The following BTBD7 variants were observed in gnomAD, a reference collection of about 807,000 sequenced individuals.
BTBD7 encodes BTB/POZ domain-containing protein 7.
In BTBD7, 38 loss-of-function variants were observed where a neutral mutation model predicts 99.9. That is an observed-to-expected ratio of 0.38 (90% CI 0.29 to 0.50). BTBD7 has a LOEUF of 0.50. Among genes scored for constraint, BTBD7 ranks in the 20% least tolerant of loss-of-function variants. The pLI, the probability that BTBD7 is intolerant of heterozygous loss-of-function variation, is 0.93. For missense variants in BTBD7, 1,170 were observed against 1,394.6 expected (o/e 0.84, Z 2.57); for synonymous variants, 520 against 511.4 (o/e 1.02, Z -0.23).
chr14:93,292,934 T>G (rs1404254053), intron 3 of BTBD7, among the ~76,000 whole-genome samples: 1 of 152,214 alleles, frequency 6.6e-6, no homozygotes, highest in Non-Finnish European at 1.5e-5. Context: ...CTTTCCTTAT[T>G]TAAATTCATG....
rs147748953 is a variant in BTBD7, at chr14:93,277,955, G to A, written c.1163-13962C>T. Among the ~76,000 whole-genome samples the A allele has an allele frequency of 1.0e-3, 154 of 152,136 alleles. 2 individuals carry two copies. In the Middle Eastern group the frequency reaches 0.01, roughly 10 times the overall value. On this transcript the variant is annotated intron_variant, in intron 3 of 10. Transcript: ENST00000334746. ...CTACTCAGCAGGTGAAAAATTCAGC[G>A]GTTCACACCTCTTTATCTGAAAACA...
At chr14:93,289,851 CTTTTTTT>C (rs34820136) in intron 3 of BTBD7, among the ~76,000 whole-genome samples, 1 of 98,456 alleles carries the variant, frequency 1.0e-5, no homozygotes, top group Non-Finnish European at 2.0e-5. Flanking sequence ...ACTCTCTGGG[CTTTTTTT>C]TTTTTTTTTT....
At chr14:93,244,167 G>T in intron 10 of BTBD7, 1 of 445,386 alleles carries the variant, frequency 2.2e-6, no homozygotes, top group South Asian at 1.7e-5. Context: ...AGACTAGGCT[G>T]ATTTTCCCGA....
At chr14:93,286,577 T>A (rs1438364277) in intron 3 of BTBD7, among the ~76,000 whole-genome samples, 1 of 152,198 alleles carries the variant, frequency 6.6e-6, no homozygotes, top group Non-Finnish European at 1.5e-5. Context: ...GTTTTCTGTT[T>A]TGTTCCTAAG....
chr14:93,330,401 A>T (rs1329944297), intron 1 of BTBD7, among the ~76,000 whole-genome samples: 1 of 151,932 alleles, frequency 6.6e-6, no homozygotes, highest in African/African-American at 2.4e-5. Flanking sequence ...AACTGCTACA[A>T]TCTCTCGGTA....
intron 1 of BTBD7, among the ~76,000 whole-genome samples, chr14:93,309,183 T>C (rs1364525126): frequency 6.6e-6 from 1 of 152,164 alleles, no homozygotes; most frequent in African/African-American, 2.4e-5. Flanking sequence ...CTTTTTCATG[T>C]GTTAAGTCAT....
At chr14:93,288,153 C>T in intron 3 of BTBD7, 1 of 217,670 alleles carries the variant, frequency 4.6e-6, no homozygotes, top group South Asian at 1.3e-4. Flanking sequence ...TCTCTTTTTC[C>T]CCAGTGTTCT....
At chr14:93,257,433 CA>C (rs775050231) in intron 5 of BTBD7, 78 bp from the exon 6 acceptor site, 9 of 1,344,890 alleles carry the variant, frequency 6.7e-6, no homozygotes, top group African/African-American at 1.5e-5. Flanking sequence ...CTAGTACATA[CA>C]CTAACAGTAC....
intron 6 of BTBD7, 169 bp downstream of exon 6, chr14:93,257,026 T>G: frequency 1.5e-6 from 1 of 646,236 alleles, no homozygotes; most frequent in Non-Finnish European, 2.6e-6. Context: ...CTGTATTATG[T>G]GGAAGACACA....
intron 1 of BTBD7, among the ~76,000 whole-genome samples, chr14:93,300,704 T>G (rs775700410): frequency 1.1e-3 from 94 of 87,086 alleles, no homozygotes; most frequent in East Asian, 4.1e-3. Flanking sequence ...CCCAGCTAAT[T>G]TGTGTGTGTG....
At chr14:93,320,069 G>A (rs1595341877) in intron 1 of BTBD7, among the ~76,000 whole-genome samples, 1 of 152,210 alleles carries the variant, frequency 6.6e-6, no homozygotes, top group South Asian at 2.1e-4. Flanking sequence ...AAAACTTGGA[G>A]AGAACAGATG....
At chr14:93,304,642 G>A (rs543620598) in intron 1 of BTBD7, among the ~76,000 whole-genome samples, 3 of 152,290 alleles carry the variant, frequency 2.0e-5, no homozygotes, top group South Asian at 2.1e-4. Flanking sequence ...GTGAGCCACC[G>A]TGCCCGGCCT....
chr14:93,244,417 G>A lies in BTBD7; in HGVS notation c.2584-1329C>T, dbSNP rs564238286. On this transcript the variant is annotated intron_variant, in intron 10 of 10. Transcript: ENST00000334746. ...TGTAATCCCAGCATTTTGGGAGGCTGAGGCGGGTGGATCATGAGGGTAGGA... is the reference window on the plus strand; with the variant it reads ...TGTAATCCCAGCATTTTGGGAGGCTAAGGCGGGTGGATCATGAGGGTAGGA... 1.0e-4 allele frequency: 18 copies of A among 173,928 alleles called. No individual in the cohort carries two copies. In the East Asian group the frequency reaches 2.4e-3, roughly 23 times the overall value. 10.8% of individuals were successfully genotyped at this position (173,928 alleles called of 1,614,324 possible).
At chr14:93,278,771 T>TAGA (rs2052684360) in intron 3 of BTBD7, among the ~76,000 whole-genome samples, 1 of 152,210 alleles carries the variant, frequency 6.6e-6, no homozygotes, top group South Asian at 2.1e-4. Flanking sequence ...TTTATCCATA[T>TAGA]AGAAGCCTAT....
At chr14:93,310,754 C>T (rs1029710943) in intron 1 of BTBD7, among the ~76,000 whole-genome samples, 2 of 130,668 alleles carry the variant, frequency 1.5e-5, no homozygotes, top group African/African-American at 5.8e-5. Context: ...AACAAACAAA[C>T]AAAAAAACCA....
chr14:93,316,867 G>A (rs755607162), intron 1 of BTBD7, among the ~76,000 whole-genome samples: 4 of 152,244 alleles, frequency 2.6e-5, no homozygotes, highest in Admixed American at 1.3e-4. Context: ...CTTAGTACTA[G>A]ATTAAATCTG....
chr14:93,263,875 A>G lies in BTBD7; in HGVS notation c.1281T>C (p.Cys427=), dbSNP rs755546316. 3 of 1,614,170 alleles carry G rather than the reference A, an allele frequency of 1.9e-6. No homozygotes were observed. The highest frequency in any genetic ancestry group is 1.1e-5 in the South Asian group (1 of 91,090). ...AAGTCATGACCTGGGAAAATTCCTC[A>G]CAGAGGAAATGTAAAGCTTGTCGGT... ...WVHRQALHFL[C]EEFSQVMTSD... The change falls in exon 4 of 11, where the codon TGT becomes TGC. Residue 427 remains cysteine (C), a synonymous_variant. Transcript: ENST00000334746.
chr14:93,322,904 CAGG>C (rs1329799332), intron 1 of BTBD7, among the ~76,000 whole-genome samples: 1 of 152,118 alleles, frequency 6.6e-6, no homozygotes, highest in African/African-American at 2.4e-5. Context: ...TGCTTGAGGC[CAGG>C]AGTTCAAGAC....
At chr14:93,255,749 G>A (rs1452773201) in intron 6 of BTBD7, 3 of 152,254 alleles carry the variant, frequency 2.0e-5, no homozygotes, top group African/African-American at 7.2e-5. Context: ...ACCTGCCTTG[G>A]CCTCCCAAAG....
Sources: allele counts gnomAD v4.1 joint callset (sites outside exome capture counted in the v4.1 genomes callset), GRCh38; gene constraint gnomAD v4.1.1; transcripts MANE v1.5; gene names NCBI Gene and HGNC (gene_info 2026-07-23, HGNC 2026-07-21).